DR1: variants seen among roughly 807,000 people sequenced by gnomAD.
The protein encoded by DR1 is down-regulator of transcription 1, also known as protein Dr1.
DR1 carries 7 observed loss-of-function variants against 19.9 expected under a neutral mutation model. That is an observed-to-expected ratio of 0.35 (90% CI 0.20 to 0.66). The LOEUF (loss-of-function observed/expected upper bound fraction) is 0.66, where lower values mean the gene tolerates loss of function less well. DR1 is among the 30% of genes least tolerant of loss of function. The pLI is 0.66. For missense variants in DR1, 98 were observed against 203.7 expected (o/e 0.48, Z 3.16); for synonymous variants, 76 against 72.5 (o/e 1.05, Z -0.24).
At chr1:93,351,243 C>T (rs1666909394) in intron 1 of DR1, among the ~76,000 whole-genome samples, 2 of 152,004 alleles carry the variant, frequency 1.3e-5, no homozygotes, top group Admixed American at 6.5e-5. Context: ...TATGGCTGCT[C>T]CTTTTCAACC....
rs1382249351 is a variant in DR1 at position 93,366,114 on chromosome 1, G to A, written c.*5475G>A. 3.9e-5 allele frequency: 6 copies of A among 152,080 alleles called. No homozygotes were observed. The South Asian group carries it at 1.2e-3, about 32-fold the overall frequency. 9.4% of individuals were successfully genotyped at this position (152,080 alleles called of 1,614,324 possible). On this transcript the variant is annotated 3_prime_UTR_variant, in exon 3 of 3. Coordinates refer to ENST00000370272, the MANE Select transcript of DR1 (RefSeq NM_001938.3). ...TTACCTCCTCTCTCCTCAGCCTCTG[G>A]TAACCAGCATTCAGTCTCTATGAAT...
chr1:93,365,230 C>T lies in DR1; in HGVS notation c.*4591C>T, dbSNP rs1338332240. The T allele has an allele frequency of 2.0e-5, 3 of 152,110 alleles. No homozygotes were observed. Among genetic ancestry groups the T allele is most frequent in the African/African-American group, 7.2e-5 (3 of 41,416 alleles). The allele number at this position is 152,110 out of a possible 1,614,324, so 9.4% of individuals were successfully genotyped here. A position where few individuals can be genotyped will look rare whatever the true frequency, so the allele number is the denominator to read the frequency against. On this transcript the variant is annotated 3_prime_UTR_variant, in exon 3 of 3. Transcript: ENST00000370272. ...CAGGCATAATCATAATGCACCATAGCCTCAAACTCCTGGGCTCAAGCAATC... is the reference window on the plus strand; with the variant it reads ...CAGGCATAATCATAATGCACCATAGTCTCAAACTCCTGGGCTCAAGCAATC...
At chr1:93,349,583 G>T (rs931917263) in intron 1 of DR1, among the ~76,000 whole-genome samples, 1 of 151,916 alleles carries the variant, frequency 6.6e-6, no homozygotes, top group Non-Finnish European at 1.5e-5. Flanking sequence ...AATTAGTCAG[G>T]GGTTGAGAAC....
chr1:93,367,551 A>G lies in DR1; in HGVS notation c.*6912A>G, dbSNP rs1667181622. ...CACAGGGCGCACTCACACGGCACAC[A>G]CACGCATACTGGGACCATTTAGCTG... On this transcript the variant is annotated 3_prime_UTR_variant, in exon 3 of 3. Coordinates refer to ENST00000370272, the MANE Select transcript of DR1 (RefSeq NM_001938.3). 6.6e-6 allele frequency: 1 copy of G among 152,220 alleles called. No homozygotes were observed. The highest frequency in any genetic ancestry group is 6.5e-5 in the Admixed American group (1 of 15,280). The allele number at this position is 152,220 out of a possible 1,614,324, so 9.4% of individuals were successfully genotyped here.
Position 93,367,285 on chromosome 1 carries a change from C to T in DR1, c.*6646C>T, listed in dbSNP as rs1667178644. 1 of 152,122 alleles carries T rather than the reference C, an allele frequency of 6.6e-6. No individual in the cohort carries two copies. The highest frequency in any genetic ancestry group is 1.5e-5 in the Non-Finnish European group (1 of 68,022). 9.4% of individuals were successfully genotyped at this position (152,122 alleles called of 1,614,324 possible). A position where few individuals can be genotyped will look rare whatever the true frequency, so the allele number is the denominator to read the frequency against. Reference sequence around the variant, plus strand: ...AAATTTTAAGGAGCACCTCCTACCACCATGCAGTTCAAAAACAAAAAATAA... The same window carrying T: ...AAATTTTAAGGAGCACCTCCTACCATCATGCAGTTCAAAAACAAAAAATAA... On this transcript the variant is annotated 3_prime_UTR_variant, in exon 3 of 3. Transcript: ENST00000370272.
chr1:93,360,161 A>G (rs1667035185), intron 2 of DR1, among the ~76,000 whole-genome samples: 1 of 152,008 alleles, frequency 6.6e-6, no homozygotes, highest in African/African-American at 2.4e-5. Flanking sequence ...GCCAGAGGGA[A>G]TATTGTGGGT....
chr1:93,346,018 G>C lies in DR1; in HGVS notation c.-628G>C, dbSNP rs899650939. The C allele has an allele frequency of 1.9e-5, 3 of 154,962 alleles. No individual in the cohort carries two copies. The highest frequency in any genetic ancestry group is 7.2e-5 in the African/African-American group (3 of 41,482). 9.6% of individuals were successfully genotyped at this position (154,962 alleles called of 1,614,324 possible). On this transcript the variant is annotated 5_prime_UTR_variant, in exon 1 of 3. Transcript: ENST00000370272. ...GCGTTCGGGCTACGCGGCCACGGCG[G>C]CAGCCACTGCGACTCCCACTGTGCC...
rs55792701 is a variant in DR1 at position 93,362,826 on chromosome 1, C to CTTTTTTT, written c.*2209_*2215dup. 325 of 52,820 alleles carry CTTTTTTT rather than the reference C, an allele frequency of 6.2e-3. No homozygotes were observed. Among genetic ancestry groups the CTTTTTTT allele is most frequent in the African/African-American group, 0.01 (129 of 12,632 alleles). 3.3% of individuals were successfully genotyped at this position (52,820 alleles called of 1,614,324 possible). On this transcript the variant is annotated 3_prime_UTR_variant, in exon 3 of 3. Coordinates refer to ENST00000370272, the MANE Select transcript of DR1 (RefSeq NM_001938.3). ...GCAATATTTTATTTTTAGGTTTTTTCTTTTTTTTTTTTTTTTTTTTTTTTT... is the reference window on the plus strand; with the variant it reads ...GCAATATTTTATTTTTAGGTTTTTTCTTTTTTTTTTTTTTTTTTTTTTTTTTTTTTTT...
chr1:93,348,540 C>T (rs1362813012), intron 1 of DR1, among the ~76,000 whole-genome samples: 4 of 151,944 alleles, frequency 2.6e-5, no homozygotes, highest in Non-Finnish European at 4.4e-5. Context: ...AGAGTTGATT[C>T]TTTTCTAGGA....
chr1:93,348,857 A>G (rs1341856964), intron 1 of DR1, among the ~76,000 whole-genome samples: 1 of 152,074 alleles, frequency 6.6e-6, no homozygotes, highest in Non-Finnish European at 1.5e-5. Flanking sequence ...TACATTTATA[A>G]TCTCATATTG....
At position 93,362,930 on chromosome 1, in the gene DR1, G is replaced by C. The variant is rs1375336837; in HGVS notation, c.*2291G>C. On this transcript the variant is annotated 3_prime_UTR_variant, in exon 3 of 3. Transcript: ENST00000370272. Reference sequence around the variant, plus strand: ...TTTGAAGAGAGAAACAAAATCTTCAGCGTTCTTGAGAAATAAAATTATTGT... The same window carrying C: ...TTTGAAGAGAGAAACAAAATCTTCACCGTTCTTGAGAAATAAAATTATTGT... 1 of 138,922 alleles carries C rather than the reference G, an allele frequency of 7.2e-6. No individual in the cohort carries two copies. Among genetic ancestry groups the C allele is most frequent in the Non-Finnish European group, 1.5e-5 (1 of 65,962 alleles). The allele number at this position is 138,922 out of a possible 1,614,324, so 8.6% of individuals were successfully genotyped here.
chr1:93,368,573 C>T lies in DR1; in HGVS notation c.*7934C>T, dbSNP rs1351375465. ...AATGGTCTGATTATGCAAATACCTT[C>T]TAATACGTTTGTTTCTTTTGTTGTG... On this transcript the variant is annotated 3_prime_UTR_variant, in exon 3 of 3. Coordinates refer to ENST00000370272, the MANE Select transcript of DR1 (RefSeq NM_001938.3). 1 of 152,164 alleles carries T rather than the reference C, an allele frequency of 6.6e-6. No individual in the cohort carries two copies. The highest frequency in any genetic ancestry group is 2.4e-5 in the African/African-American group (1 of 41,428). The allele number at this position is 152,164 out of a possible 1,614,324, so 9.4% of individuals were successfully genotyped here.
intron 2 of DR1, chr1:93,355,390 G>C (rs909087267): frequency 1.3e-5 from 2 of 152,178 alleles, no homozygotes; most frequent in Non-Finnish European, 2.9e-5. Flanking sequence ...TGTCATTATA[G>C]AGCTTAATCT....
chr1:93,360,463 G>T, intron 2 of DR1, 30 bp from the exon 3 acceptor site: 1 of 1,532,380 alleles, frequency 6.5e-7, no homozygotes, highest in Middle Eastern at 1.7e-4. Context: ...GTAAAAAATT[G>T]TTATTTTTTT....
At chr1:93,350,237 A>G (rs1407041997) in intron 1 of DR1, among the ~76,000 whole-genome samples, 1 of 152,190 alleles carries the variant, frequency 6.6e-6, no homozygotes, top group African/African-American at 2.4e-5. Context: ...AAGATAAATG[A>G]TACTCAATTC....
intron 2 of DR1, chr1:93,355,846 A>C (rs1364899333): frequency 6.6e-6 from 1 of 152,226 alleles, no homozygotes; most frequent in East Asian, 1.9e-4. Flanking sequence ...AGAGTGGATA[A>C]GTAAATATAT....
Position 93,346,293 on chromosome 1 carries a change from C to A in DR1, c.-353C>A. 3.2e-6 allele frequency: 1 copy of A among 315,154 alleles called. No individual in the cohort carries two copies. The highest frequency in any genetic ancestry group is 6.1e-6 in the Non-Finnish European group (1 of 162,998). 19.5% of individuals were successfully genotyped at this position (315,154 alleles called of 1,614,324 possible). A position where few individuals can be genotyped will look rare whatever the true frequency, so the allele number is the denominator to read the frequency against. On this transcript the variant is annotated 5_prime_UTR_variant, in exon 1 of 3. Transcript: ENST00000370272. ...CCCCTGGATCTTGCCTCTGCTCCGA[C>A]GCCGTTGGGGACCAGTTAGGCGACA...
In DR1 at chr1:93,346,264, A is replaced by G. The variant is rs1334011336; in HGVS notation, c.-382A>G. On this transcript the variant is annotated 5_prime_UTR_variant, in exon 1 of 3. Transcript: ENST00000370272. The stretch of plus-strand genomic sequence containing the variant: ...ACCCGCCCGGTACCGCGGCGAGGCC[A>G]GTGCCCCTGGATCTTGCCTCTGCTC... 3.7e-6 allele frequency: 1 copy of G among 270,640 alleles called. No individual in the cohort carries two copies. 16.8% of individuals were successfully genotyped at this position (270,640 alleles called of 1,614,324 possible).
rs1667096146 is a variant in DR1, at chr1:93,364,683, A to G, written c.*4044A>G. 6.6e-6 allele frequency: 1 copy of G among 152,136 alleles called. No homozygotes were observed. The highest frequency in any genetic ancestry group is 1.5e-5 in the Non-Finnish European group (1 of 68,042). The allele number at this position is 152,136 out of a possible 1,614,324, so 9.4% of individuals were successfully genotyped here. A position where few individuals can be genotyped will look rare whatever the true frequency, so the allele number is the denominator to read the frequency against. On this transcript the variant is annotated 3_prime_UTR_variant, in exon 3 of 3. Transcript: ENST00000370272. Reference sequence around the variant, plus strand: ...GATCGGCCAGGGTGAAGAGAATGATAACATAAGTAGCCTCCTTTCACCTAA... The same window carrying G: ...GATCGGCCAGGGTGAAGAGAATGATGACATAAGTAGCCTCCTTTCACCTAA...
Sources: allele counts gnomAD v4.1 joint callset (sites outside exome capture counted in the v4.1 genomes callset), GRCh38; gene constraint gnomAD v4.1.1; transcripts MANE v1.5; gene names NCBI Gene and HGNC (gene_info 2026-07-23, HGNC 2026-07-21).